Variants in ERCC3 observed in about 807,000 individuals in gnomAD.
The protein encoded by ERCC3 is ERCC excision repair 3, TFIIH core complex helicase subunit, also known as general transcription and DNA repair factor IIH helicase/translocase subunit XPB.
ERCC3 carries 66 observed loss-of-function variants against 94.2 expected under a neutral mutation model. The ratio of observed to expected loss-of-function variants is 0.70; its 90% confidence interval spans 0.57 to 0.86. ERCC3 has a LOEUF of 0.86. Ranked by LOEUF, ERCC3 falls within the 40% of genes least tolerant of loss-of-function variation. The pLI, the probability that ERCC3 is intolerant of heterozygous loss-of-function variation, is 0.00. For synonymous variants in ERCC3, 349 were observed against 369.1 expected (o/e 0.95, Z 0.63); for missense variants, 829 against 987.1 (o/e 0.84, Z 2.15).
chr2:127,293,637 G>A lies in ERCC3; in HGVS notation c.110C>T (p.Ala37Val), dbSNP rs1435070019. 1.9e-6 allele frequency: 3 copies of A among 1,614,110 alleles called. No homozygotes were observed. The highest frequency in any genetic ancestry group is 1.1e-5 in the South Asian group (1 of 91,084). The change falls in exon 2 of 15, where the codon GCG (alanine) becomes GTG (valine). Residue 37 changes from alanine to valine, a missense_variant. Transcript: ENST00000285398. ...EDAPGNDPQEAVPSAAGKQVD... is the reference protein window; with the variant it reads ...EDAPGNDPQEVVPSAAGKQVD... ...CTGCTTCCCCGCCGCCGAGGGAACCGCTTCCTGAGGGTCGTTCCCCGGGGC... is the reference window on the plus strand; with the variant it reads ...CTGCTTCCCCGCCGCCGAGGGAACCACTTCCTGAGGGTCGTTCCCCGGGGC...
chr2:127,289,779 G>C lies in ERCC3; in HGVS notation c.567C>G (p.Leu189=). 6.2e-7 allele frequency: 1 copy of C among 1,614,082 alleles called. No homozygotes were observed. The highest frequency in any genetic ancestry group is 8.5e-7 in the Non-Finnish European group (1 of 1,180,012). Reference sequence around the variant, plus strand: ...GGCATTCTCGGATCACGGGGTCCTGGAGAAGATGCTGGATTACATCAGGGT... The same window carrying C: ...GGCATTCTCGGATCACGGGGTCCTGCAGAAGATGCTGGATTACATCAGGGT... ...SCHPDVIQHL[L]QDPVIRECRL... is the part of the protein sequence containing the mutation. The change falls in exon 5 of 15, where the codon CTC becomes CTG. Residue 189 remains leucine, a synonymous_variant. Coordinates refer to ENST00000285398, the MANE Select transcript of ERCC3 (RefSeq NM_000122.2).
rs200443230 is a variant in ERCC3 at position 127,288,861 on chromosome 2, T to A, written c.826A>T (p.Met276Leu). 1.4e-5 allele frequency: 22 copies of A among 1,612,838 alleles called. No individual in the cohort carries two copies. Among genetic ancestry groups the A allele is most frequent in the African/African-American group, 2.7e-5 (2 of 74,854 alleles). The stretch of plus-strand genomic sequence containing the variant: ...CAACGTTTCTGGAGTTCCTCAATCA[T>A]TTCCTGGAAAGAGGGCACAAAAGGG... ...QTVSFEVKQE[M>L]IEELQKRCIH... The change falls in exon 7 of 15, where the codon ATG becomes TTG. Residue 276 changes from methionine to leucine, a missense_variant. Met to Leu is a conservative substitution (Grantham distance 15). Coordinates refer to ENST00000285398, the MANE Select transcript of ERCC3 (RefSeq NM_000122.2).
rs546551235 is a variant in ERCC3 at position 127,285,595 on chromosome 2, C to T, written c.1342+1108G>A. Reference sequence around the variant, plus strand: ...ATCCTAGCTACTCGGGAGGCTGAGGCAGGAGAATCACTTGAACCCGGGAGG... The same window carrying T: ...ATCCTAGCTACTCGGGAGGCTGAGGTAGGAGAATCACTTGAACCCGGGAGG... On this transcript the variant is annotated intron_variant, in intron 8 of 14. Coordinates refer to ENST00000285398, the MANE Select transcript of ERCC3 (RefSeq NM_000122.2). 2.0e-5 allele frequency among the ~76,000 whole-genome samples: 3 copies of T among 152,248 alleles called. No individual in the cohort carries two copies. The South Asian group carries it at 6.2e-4, about 32-fold the overall frequency.
In ERCC3 at chr2:127,279,461, T is replaced by A; in HGVS notation, c.1528-86A>T. The A allele has an allele frequency of 9.1e-7, 1 of 1,097,162 alleles. No individual in the cohort carries two copies. The highest frequency in any genetic ancestry group is 1.4e-6 in the Non-Finnish European group (1 of 715,716). 68.0% of individuals were successfully genotyped at this position (1,097,162 alleles called of 1,614,324 possible). A position where few individuals can be genotyped will look rare whatever the true frequency, so the allele number is the denominator to read the frequency against. On this transcript the variant is annotated intron_variant, in intron 9 of 14. Transcript: ENST00000285398. This position sits in a 1 kb window ranked among gnomAD's most constrained non-coding sequence, Gnocchi z 4.7. ...TTTTGAAGACCTTTCTCTAGCAGAATTAGCTTTAAAACAAAACCAGTCAGG... is the reference window on the plus strand; with the variant it reads ...TTTTGAAGACCTTTCTCTAGCAGAAATAGCTTTAAAACAAAACCAGTCAGG...
chr2:127,272,190 A>G (rs1684579728), intron 11 of ERCC3, among the ~76,000 whole-genome samples: 1 of 151,572 alleles, frequency 6.6e-6, no homozygotes, highest in South Asian at 2.1e-4. Flanking sequence ...ACACCCAGCT[A>G]ATTTTTGTAT....
rs375844247 is a variant in ERCC3, at chr2:127,261,225, T to C, written c.2064+3A>G. On this transcript the variant is annotated splice_donor_region_variant and intron_variant, in intron 13 of 14. Coordinates refer to ENST00000285398, the MANE Select transcript of ERCC3 (RefSeq NM_000122.2). ...TCTAACCAGAAGCCAAATGGATATGTACCTTGAAGCTATAACCTTGATCTA... is the reference window on the plus strand; with the variant it reads ...TCTAACCAGAAGCCAAATGGATATGCACCTTGAAGCTATAACCTTGATCTA... 8.3e-6 allele frequency: 13 copies of C among 1,573,686 alleles called. No homozygotes were observed. The highest frequency in any genetic ancestry group is 1.7e-5 in the Admixed American group (1 of 59,996).
intron 8 of ERCC3, among the ~76,000 whole-genome samples, chr2:127,281,142 C>A (rs114182063): frequency 5.0e-4 from 76 of 152,244 alleles, no homozygotes; most frequent in African/African-American, 1.6e-3. Flanking sequence ...CTCTAAATTA[C>A]GCAAAGAATT....
rs1685266431 is a variant in ERCC3, at chr2:127,291,396, A to G, written c.472-1123T>C. Among the ~76,000 whole-genome samples, 1 of 152,100 alleles carries G rather than the reference A, an allele frequency of 6.6e-6. No homozygotes were observed. On this transcript the variant is annotated intron_variant, in intron 3 of 14. Transcript: ENST00000285398. The surrounding 1 kb of genome is among the most constrained non-coding windows in gnomAD (Gnocchi z 4.9). ...TGCCTCAGCCTCCTGAGTAGCTGGG[A>G]TTACAGGCACCCACCACCATGCCTG...
intron 12 of ERCC3, among the ~76,000 whole-genome samples, chr2:127,270,836 C>A (rs141308968): frequency 6.6e-6 from 1 of 152,238 alleles, no homozygotes; most frequent in African/African-American, 2.4e-5. Context: ...CACCTCCTCA[C>A]TCACTGAGCT....
At chr2:127,276,590 A>C (rs1684741388) in intron 10 of ERCC3, among the ~76,000 whole-genome samples, 1 of 152,206 alleles carries the variant, frequency 6.6e-6, no homozygotes, top group African/African-American at 2.4e-5. Context: ...GAGATAAAAA[A>C]GTAGAAAAAA....
chr2:127,287,420 G>T (rs1187232519), intron 7 of ERCC3, among the ~76,000 whole-genome samples: 1 of 152,034 alleles, frequency 6.6e-6, no homozygotes, highest in Non-Finnish European at 1.5e-5. Flanking sequence ...ATCACATGAG[G>T]TCAGGAGTTC....
chr2:127,265,182 C>T (rs889638176), intron 12 of ERCC3, among the ~76,000 whole-genome samples: 2 of 151,980 alleles, frequency 1.3e-5, no homozygotes, highest in Admixed American at 6.6e-5. Context: ...TTCAATTTCT[C>T]CTTATTGATC....
chr2:127,292,725 G>T lies in ERCC3; in HGVS notation c.356C>A (p.Thr119Asn), dbSNP rs1358876899. ...GACAGCTGCATACAAGGAGTAGGCA[G>T]TTAGTTTGTACTCATGCACATGGGT... Reference protein sequence around the residue: ...RPTHVHEYKLTAYSLYAAVSV... With the variant: ...RPTHVHEYKLNAYSLYAAVSV... The change falls in exon 3 of 15, where the codon ACT (threonine) becomes AAT (asparagine). Residue 119 changes from threonine (T) to asparagine (N), a missense_variant. Physicochemically the swap from Thr to Asn is moderately conservative, Grantham distance 65. Transcript: ENST00000285398. 1 of 1,614,132 alleles carries T rather than the reference G, an allele frequency of 6.2e-7. No homozygotes were observed. The highest frequency in any genetic ancestry group is 1.7e-5 in the Admixed American group (1 of 60,032).
chr2:127,281,081 A>G (rs1426090353), intron 8 of ERCC3: 2 of 412,714 alleles, frequency 4.8e-6, no homozygotes, highest in Non-Finnish European at 8.5e-6. Flanking sequence ...GTAGAAGTAC[A>G]GATGGCAATT....
chr2:127,287,794 A>G (rs151186043), intron 7 of ERCC3, among the ~76,000 whole-genome samples: 1,589 of 152,156 alleles, frequency 0.01, 25 homozygotes, highest in South Asian at 0.038. Flanking sequence ...CGGGGCTGAG[A>G]ATTCAGGGAT....
chr2:127,275,109 CT>C (rs748309458), intron 10 of ERCC3, among the ~76,000 whole-genome samples: 2 of 152,204 alleles, frequency 1.3e-5, no homozygotes, highest in Non-Finnish European at 2.9e-5. Flanking sequence ...ATACCAATGC[CT>C]TTCTTATGAA....
rs1197770180 is a variant in ERCC3 at position 127,257,820 on chromosome 2, T to C, written c.2218-93A>G. On this transcript the variant is annotated intron_variant, in intron 14 of 14. Coordinates refer to ENST00000285398, the MANE Select transcript of ERCC3 (RefSeq NM_000122.2). The surrounding 1 kb of genome is among the most constrained non-coding windows in gnomAD (Gnocchi z 5.4). ...TAATCACAGCAAATTTTATAAGACT[T>C]ACATAAATTTAATACATCATTTTTA... is the stretch of plus-strand genomic sequence containing the variant. The C allele has an allele frequency of 2.2e-6, 3 of 1,370,098 alleles. No homozygotes were observed. Among genetic ancestry groups the C allele is most frequent in the Non-Finnish European group, 3.1e-6 (3 of 971,304 alleles). The allele number at this position is 1,370,098 out of a possible 1,614,324, so 84.9% of individuals were successfully genotyped here.
chr2:127,263,855 C>T (rs890648072), intron 12 of ERCC3, among the ~76,000 whole-genome samples: 3 of 151,986 alleles, frequency 2.0e-5, no homozygotes, highest in Non-Finnish European at 4.4e-5. Flanking sequence ...CTACAGGTGC[C>T]TGCCACCACG....
rs1391179566 is a variant in ERCC3, at chr2:127,289,499, A to AT, written c.659_660insA (p.Ser221PhefsTer2). ...CACCACTGCTTTCAGCAGTCTTAGA[A>AT]ATCTGTGAGAGAGGTAGGTGCTGAA... On this transcript the variant is annotated frameshift_variant and splice_region_variant, in exon 6 of 15. Coordinates refer to ENST00000285398, the MANE Select transcript of ERCC3 (RefSeq NM_000122.2). LOFTEE classifies it high-confidence loss of function. 6 of 1,612,446 alleles carry AT rather than the reference A, an allele frequency of 3.7e-6. No individual in the cohort carries two copies. The Admixed American group carries it at 6.7e-5, about 18-fold the overall frequency.
Sources: allele counts gnomAD v4.1 joint callset (sites outside exome capture counted in the v4.1 genomes callset), GRCh38; gene constraint gnomAD v4.1.1; non-coding constraint Gnocchi (gnomAD v3.1); transcripts MANE v1.5; gene names NCBI Gene and HGNC (gene_info 2026-07-23, HGNC 2026-07-21).